Variants in NDST4 observed in about 807,000 individuals in gnomAD.
NDST4 encodes N-deacetylase and N-sulfotransferase 4.
NDST4 carries 63 observed loss-of-function variants against 100.8 expected under a neutral mutation model. The ratio of observed to expected loss-of-function variants is 0.62; its 90% CI spans 0.51 to 0.77. The LOEUF (loss-of-function observed/expected upper bound fraction) is 0.77. Ranked by LOEUF, NDST4 falls within the 30% of genes least tolerant of loss-of-function variation. The probability of loss-of-function intolerance (pLI) is 0.00; values close to 1 mark genes in which losing one functional copy is unlikely to be tolerated. For missense variants in NDST4, 943 were observed against 1,018.4 expected, an observed-to-expected ratio of 0.93 and a Z score of 1.01; for synonymous variants, 377 against 361.8, an observed-to-expected ratio of 1.04 and a Z score of -0.48.
At chr4:115,067,729 CTTT>C (rs143037463) in intron 2 of NDST4, among the ~76,000 whole-genome samples, 2 of 148,202 alleles carry the variant, frequency 1.3e-5, no homozygotes, top group African/African-American at 4.9e-5. Flanking sequence ...TTATCATTTT[CTTT>C]TTTTTTTGTT....
At chr4:115,070,291 C>T (rs1192774064) in intron 2 of NDST4, among the ~76,000 whole-genome samples, 2 of 152,066 alleles carry the variant, frequency 1.3e-5, no homozygotes, top group Admixed American at 1.3e-4. Flanking sequence ...AGGCCATTAT[C>T]CTTAGCAAAC....
At chr4:115,024,363 A>T (rs1016589039) in intron 2 of NDST4, among the ~76,000 whole-genome samples, 21 of 152,134 alleles carry the variant, frequency 1.4e-4, no homozygotes, top group Non-Finnish European at 4.4e-5. Flanking sequence ...TGCAAAGCCA[A>T]AGGAGTGGGG....
chr4:114,851,890 T>C (rs555397964), intron 8 of NDST4, among the ~76,000 whole-genome samples: 4 of 152,168 alleles, frequency 2.6e-5, no homozygotes, highest in Non-Finnish European at 5.9e-5. Context: ...TTACTTGTAT[T>C]ACAAATACCT....
At chr4:114,964,133 G>T (rs1578417260) in intron 4 of NDST4, among the ~76,000 whole-genome samples, 1 of 152,270 alleles carries the variant, frequency 6.6e-6, no homozygotes, top group Non-Finnish European at 1.5e-5. Context: ...CAATTACTGT[G>T]TTGTGAGCTG....
intron 1 of NDST4, among the ~76,000 whole-genome samples, chr4:115,084,881 C>G (rs1051311071): frequency 2.6e-5 from 4 of 152,120 alleles, no homozygotes; most frequent in Middle Eastern, 3.2e-3. Flanking sequence ...GTAGCCACCC[C>G]CCCCACAGTC....
chr4:114,961,330 G>T (rs572555817), intron 4 of NDST4, among the ~76,000 whole-genome samples: 1 of 151,288 alleles, frequency 6.6e-6, no homozygotes, highest in East Asian at 1.9e-4. Context: ...GCAATTAGAA[G>T]GAAAGAAATA....
intron 6 of NDST4, among the ~76,000 whole-genome samples, chr4:114,913,845 A>G (rs980211685): frequency 6.6e-6 from 1 of 151,914 alleles, no homozygotes; most frequent in Non-Finnish European, 1.5e-5. Context: ...ATATATAAAT[A>G]AATATTTATG....
rs760505214 is a variant in NDST4, at chr4:115,076,711, A to C, written c.326T>G (p.Val109Gly). The C allele has an allele frequency of 6.2e-7, 1 of 1,613,970 alleles. No individual in the cohort carries two copies. The highest frequency in any genetic ancestry group is 8.5e-7 in the Non-Finnish European group (1 of 1,179,928). ...LESSRFQYHM[V>G]IAPGKGDIPP... ...TATATCTCCCTTTCCAGGGGCAATA[A>C]CCATGTGGTACTGAAATCGGCTGGA... Residue 109 changes from valine to glycine, a missense_variant, in exon 2 of 14, where the codon GTT becomes GGT. Around this residue, in one of 2 missense-constraint regions of NDST4, gnomAD observed 417 missense variants for 384.2 expected, o/e 1.09. Transcript: ENST00000264363.
chr4:114,846,909 C>T (rs1459444050), intron 9 of NDST4, among the ~76,000 whole-genome samples: 7 of 152,124 alleles, frequency 4.6e-5, no homozygotes, highest in African/African-American at 7.2e-5. Flanking sequence ...AGAAAATTGC[C>T]GTTCTGCTTT....
chr4:114,909,669 C>CAAA (rs773267929), intron 6 of NDST4, among the ~76,000 whole-genome samples: 10 of 61,618 alleles, frequency 1.6e-4, no homozygotes, highest in East Asian at 3.6e-4. Flanking sequence ...GACTCCGTCT[C>CAAA]AAAAAAAAAA....
chr4:115,078,666 C>T (rs1041994713), intron 1 of NDST4, among the ~76,000 whole-genome samples: 2 of 152,002 alleles, frequency 1.3e-5, no homozygotes, highest in Admixed American at 6.6e-5. Flanking sequence ...TAGTGAAACC[C>T]TGTCTCTACT....
intron 2 of NDST4, among the ~76,000 whole-genome samples, chr4:115,031,937 G>A (rs1161337353): frequency 6.6e-6 from 1 of 152,032 alleles, no homozygotes; most frequent in Non-Finnish European, 1.5e-5. Flanking sequence ...AATGTTTACT[G>A]TGGCTAGAGG....
chr4:114,864,464 A>G (rs903595824), intron 7 of NDST4, among the ~76,000 whole-genome samples: 2 of 152,158 alleles, frequency 1.3e-5, no homozygotes, highest in Non-Finnish European at 2.9e-5. Context: ...GCCCTTTCCA[A>G]GTTGTATTGT....
intron 2 of NDST4, among the ~76,000 whole-genome samples, chr4:115,066,894 T>C (rs1378808721): frequency 6.6e-6 from 1 of 152,172 alleles, no homozygotes; most frequent in Non-Finnish European, 1.5e-5. Flanking sequence ...CATTCTCTGT[T>C]GTGTGCCCTA....
At chr4:115,104,961 T>G (rs1015891890) in intron 1 of NDST4, among the ~76,000 whole-genome samples, 5 of 152,144 alleles carry the variant, frequency 3.3e-5, no homozygotes, top group East Asian at 1.9e-4. Context: ...AACTTTGGAC[T>G]TATTGTTATG....
In NDST4 at chr4:115,077,054, T is replaced by C. The variant is rs1452727594; in HGVS notation, c.-18A>G. Reference sequence around the variant, plus strand: ...AGATTCATTTTTTAGAATAATGTTTTGGAAGCTTTTTCCCAATTTCGTTTC... The same window carrying C: ...AGATTCATTTTTTAGAATAATGTTTCGGAAGCTTTTTCCCAATTTCGTTTC... On this transcript the variant is annotated 5_prime_UTR_variant, in exon 2 of 14. Transcript: ENST00000264363. The C allele has an allele frequency of 1.3e-6, 2 of 1,566,130 alleles. No individual in the cohort carries two copies. The highest frequency in any genetic ancestry group is 1.7e-6 in the Non-Finnish European group (2 of 1,159,824).
chr4:114,964,295 C>T (rs1413713792), intron 4 of NDST4, among the ~76,000 whole-genome samples: 2 of 152,184 alleles, frequency 1.3e-5, no homozygotes, highest in African/African-American at 4.8e-5. Flanking sequence ...CCAGTTGAGC[C>T]TTGAAATGAC....
At chr4:114,922,973 G>A (rs1381044011) in intron 6 of NDST4, among the ~76,000 whole-genome samples, 1 of 152,154 alleles carries the variant, frequency 6.6e-6, no homozygotes, top group Non-Finnish European at 1.5e-5. Context: ...CAGGGGATGA[G>A]AAAGAGAAAG....
In NDST4 at chr4:115,008,193, A is replaced by G. The variant is rs188809679; in HGVS notation, c.979-30919T>C. On this transcript the variant is annotated intron_variant, in intron 2 of 13. Transcript: ENST00000264363. Reference sequence around the variant, plus strand: ...TCTGTGTCTTTTAATTGGAGCATTTAGGCCATTTACATTTAAAGTTAATAC... The same window carrying G: ...TCTGTGTCTTTTAATTGGAGCATTTGGGCCATTTACATTTAAAGTTAATAC... Among the ~76,000 whole-genome samples, 311 of 129,782 alleles carry G rather than the reference A, an allele frequency of 2.4e-3. 74 individuals are homozygous for G. The highest frequency in any genetic ancestry group is 4.0e-3 in the Non-Finnish European group (244 of 60,516). The allele number at this position is 129,782 out of a possible 152,430, so 85.1% of individuals were successfully genotyped here. A position where few individuals can be genotyped will look rare whatever the true frequency, so the allele number is the denominator to read the frequency against.
Sources: gnomAD v4.1 joint callset for allele counts (sites outside exome capture counted in the v4.1 genomes callset) on GRCh38, gnomAD v4.1.1 for gene constraint, gnomAD v4.1.1 regional missense constraint, MANE v1.5 for transcripts, NCBI Gene and HGNC (gene_info 2026-07-23, HGNC 2026-07-21) for gene names.